TM4SF4: variants seen among roughly 807,000 people sequenced by gnomAD.
TM4SF4 encodes transmembrane 4 L six family member 4.
A neutral mutation model predicts 24.1 loss-of-function variants in TM4SF4; 24 were observed. The ratio of observed to expected loss-of-function variants is 1.00; its 90% CI spans 0.72 to 1.40. The LOEUF is 1.40. TM4SF4 is among the 40% of genes most tolerant of loss of function. The pLI is 0.00. For synonymous variants in TM4SF4, 113 were observed against 97.0 expected (o/e 1.17, Z -0.97); for missense variants, 254 against 254.2 (o/e 1.00, Z 0.01).
At chr3:149,499,729 G>T (rs939030518) in intron 4 of TM4SF4, among the ~76,000 whole-genome samples, 1 of 151,996 alleles carries the variant, frequency 6.6e-6, no homozygotes, top group African/African-American at 2.4e-5. Flanking sequence ...AAATAAGAAG[G>T]TCAAGCATAG....
chr3:149,495,355 A>G (rs972357084), intron 3 of TM4SF4: 22 of 306,304 alleles, frequency 7.2e-5, no homozygotes, highest in Non-Finnish European at 1.3e-4. Context: ...CCTACCACCA[A>G]CTCATCCAAC....
intron 3 of TM4SF4, among the ~76,000 whole-genome samples, chr3:149,490,334 T>A (rs1734188650): frequency 6.6e-6 from 1 of 152,266 alleles, no homozygotes. Context: ...CTGCAGAAGT[T>A]CACCTTGAAT....
chr3:149,476,006 C>T (rs1225552479), intron 2 of TM4SF4, 94 bp downstream of exon 2: 10 of 1,021,810 alleles, frequency 9.8e-6, no homozygotes, highest in Non-Finnish European at 1.5e-5. Flanking sequence ...GTTATCAGCT[C>T]CAGCCAGGAC....
intron 2 of TM4SF4, among the ~76,000 whole-genome samples, chr3:149,483,840 G>A (rs1322895062): frequency 6.6e-6 from 1 of 152,132 alleles, no homozygotes; most frequent in South Asian, 2.1e-4. Context: ...GAGTGCAGCG[G>A]TGTGATCTCG....
intron 3 of TM4SF4, among the ~76,000 whole-genome samples, chr3:149,497,613 C>T (rs4681180): frequency 0.086 from 13,057 of 152,216 alleles, 1,110 homozygotes; most frequent in East Asian, 0.43. Flanking sequence ...CAAAATCGTA[C>T]ACTTCACATT....
At chr3:149,487,229 T>C (rs1041266432) in intron 2 of TM4SF4, among the ~76,000 whole-genome samples, 1 of 152,142 alleles carries the variant, frequency 6.6e-6, no homozygotes, top group Non-Finnish European at 1.5e-5. Context: ...CACTCCAGAC[T>C]GAGCGACAAG....
intron 1 of TM4SF4, among the ~76,000 whole-genome samples, chr3:149,475,563 G>A (rs928283641): frequency 1.3e-5 from 2 of 152,150 alleles, no homozygotes; most frequent in African/African-American, 4.8e-5. Flanking sequence ...GGAAAAGTTT[G>A]TTATTCTTTT....
At chr3:149,498,080 C>T (rs74826774) in intron 3 of TM4SF4, among the ~76,000 whole-genome samples, 3,906 of 152,244 alleles carry the variant, frequency 0.026, 159 homozygotes, top group African/African-American at 0.09. Flanking sequence ...AAATTAATTA[C>T]ATCTTTGTGT....
In TM4SF4 at chr3:149,502,825, C is replaced by A; in HGVS notation, c.*132C>A. On this transcript the variant is annotated 3_prime_UTR_variant, in exon 5 of 5. Coordinates refer to ENST00000305354, the MANE Select transcript of TM4SF4 (RefSeq NM_004617.4). ...ATAAAGCTTAGAAAAGGCAGTTATT[C>A]CTTCTTTCCAACCAGCTTTGCTCGA... is the stretch of plus-strand genomic sequence containing the variant. 3.1e-6 allele frequency: 2 copies of A among 641,848 alleles called. No homozygotes were observed. Among genetic ancestry groups the A allele is most frequent in the South Asian group, 2.4e-5 (1 of 41,648 alleles). The allele number at this position is 641,848 out of a possible 1,614,324, so 39.8% of individuals were successfully genotyped here. A position where few individuals can be genotyped will look rare whatever the true frequency, so the allele number is the denominator to read the frequency against.
chr3:149,494,109 T>G (rs1734267095), intron 3 of TM4SF4, among the ~76,000 whole-genome samples: 1 of 152,206 alleles, frequency 6.6e-6, no homozygotes, highest in African/African-American at 2.4e-5. Flanking sequence ...CATGAAAAAC[T>G]GAGGACCCCT....
chr3:149,498,992 C>T, intron 4 of TM4SF4, 81 bp downstream of exon 4: 3 of 1,444,698 alleles, frequency 2.1e-6, no homozygotes, highest in South Asian at 1.2e-5. Context: ...CCAGGTCAGG[C>T]CACCAGCACT....
At chr3:149,480,159 T>G (rs1200582548) in intron 2 of TM4SF4, among the ~76,000 whole-genome samples, 1 of 151,332 alleles carries the variant, frequency 6.6e-6, no homozygotes, top group Admixed American at 6.6e-5. Context: ...TGGGTTTGTT[T>G]TCAGGTCACA....
At chr3:149,482,496 A>T (rs2107868298) in intron 2 of TM4SF4, among the ~76,000 whole-genome samples, 1 of 152,260 alleles carries the variant, frequency 6.6e-6, no homozygotes, top group African/African-American at 2.4e-5. Context: ...AAATAATACC[A>T]ATTTTGAAGT....
intron 3 of TM4SF4, among the ~76,000 whole-genome samples, chr3:149,492,087 G>A (rs900325931): frequency 6.6e-6 from 1 of 152,162 alleles, no homozygotes; most frequent in Non-Finnish European, 1.5e-5. Context: ...AGGAACTAAA[G>A]AGAGATAAAA....
intron 3 of TM4SF4, among the ~76,000 whole-genome samples, chr3:149,496,740 C>T (rs1056023627): frequency 2.0e-5 from 3 of 152,090 alleles, no homozygotes; most frequent in African/African-American, 7.2e-5. Context: ...TGCACTCCAG[C>T]CTGGGCAACA....
At chr3:149,480,868 T>A (rs540542059) in intron 2 of TM4SF4, among the ~76,000 whole-genome samples, 2 of 152,198 alleles carry the variant, frequency 1.3e-5, no homozygotes, top group African/African-American at 4.8e-5. Context: ...TATTTATTTA[T>A]ATTTTGAGAC....
At chr3:149,488,176 T>C (rs1734152360) in intron 3 of TM4SF4, among the ~76,000 whole-genome samples, 1 of 152,182 alleles carries the variant, frequency 6.6e-6, no homozygotes, top group Non-Finnish European at 1.5e-5. Flanking sequence ...TACCCCAAAT[T>C]GCCTATAATT....
chr3:149,480,935 GC>G (rs1417285940), intron 2 of TM4SF4, among the ~76,000 whole-genome samples: 2 of 151,892 alleles, frequency 1.3e-5, no homozygotes, highest in Non-Finnish European at 2.9e-5. Context: ...ATCTCGGCTC[GC>G]TGCAACCTCC....
Position 149,474,742 on chromosome 3 carries a change from T to C in TM4SF4, c.-136T>C. 2 of 854,698 alleles carry C rather than the reference T, an allele frequency of 2.3e-6. No homozygotes were observed. Among genetic ancestry groups the C allele is most frequent in the Non-Finnish European group, 3.5e-6 (2 of 572,584 alleles). The allele number at this position is 854,698 out of a possible 1,614,324, so 52.9% of individuals were successfully genotyped here. ...ACTCCAAGGACACAGTTCACAGAAATTTGGTTCTCAGCCCCAAAATACTGA... is the reference window on the plus strand; with the variant it reads ...ACTCCAAGGACACAGTTCACAGAAACTTGGTTCTCAGCCCCAAAATACTGA... On this transcript the variant is annotated 5_prime_UTR_variant, in exon 1 of 5. Transcript: ENST00000305354.
Sources: allele counts gnomAD v4.1 joint callset (sites outside exome capture counted in the v4.1 genomes callset), GRCh38; gene constraint gnomAD v4.1.1; transcripts MANE v1.5; gene names NCBI Gene and HGNC (gene_info 2026-07-23, HGNC 2026-07-21).